The following ZNF532 variants were observed in gnomAD, a reference collection of about 807,000 sequenced individuals.
The protein encoded by ZNF532 is zinc finger protein 532.
In ZNF532, 22 loss-of-function variants were observed where a neutral mutation model predicts 89.3. The ratio of observed to expected loss-of-function variants is 0.25; its 90% CI spans 0.18 to 0.35. The LOEUF (loss-of-function observed/expected upper bound fraction) is 0.35, where lower values mean the gene tolerates loss of function less well. ZNF532 is among the 10% of genes least tolerant of loss of function. The pLI is 1.00. For missense variants in ZNF532, 1,132 were observed against 1,643.4 expected (o/e 0.69, Z 5.38); for synonymous variants, 606 against 649.6 (o/e 0.93, Z 1.02).
intron 2 of ZNF532, among the ~76,000 whole-genome samples, chr18:58,869,321 A>G (rs2056768767): frequency 1.3e-5 from 2 of 152,268 alleles, no homozygotes; most frequent in Admixed American, 6.5e-5. Flanking sequence ...ACGAGAGATG[A>G]TCATGATAAT....
intron 5 of ZNF532, among the ~76,000 whole-genome samples, chr18:58,945,298 G>A (rs1167230425): frequency 1.3e-5 from 2 of 152,192 alleles, no homozygotes; most frequent in African/African-American, 2.4e-5. Context: ...TGCCTGGGCC[G>A]TGATGCCATG....
At chr18:58,963,698 C>T (rs2065606910) in intron 7 of ZNF532, among the ~76,000 whole-genome samples, 1 of 150,762 alleles carries the variant, frequency 6.6e-6, no homozygotes, top group Non-Finnish European at 1.5e-5. Flanking sequence ...TGGCTCACGC[C>T]TGTAATCCTA....
rs749932347 is a variant in ZNF532, at chr18:58,919,604, C to T, written c.1317C>T (p.Thr439=). The change falls in exon 3 of 10, where the codon ACC becomes ACT. Residue 439 remains threonine (T), a synonymous_variant. Transcript: ENST00000591808. The surrounding 1 kb of genome is among the most constrained non-coding windows in gnomAD (Gnocchi z 6.1). Reference sequence around the variant, plus strand: ...ATGCAGTTTCCCCTGCAGAGCTCACCCCCAAACAGGTCACAATCAAGCCTG... The same window carrying T: ...ATGCAGTTTCCCCTGCAGAGCTCACTCCCAAACAGGTCACAATCAAGCCTG... ...VTNAVSPAEL[T]PKQVTIKPVA... The T allele has an allele frequency of 5.0e-6, 8 of 1,614,142 alleles. No individual in the cohort carries two copies. Among genetic ancestry groups the T allele is most frequent in the Non-Finnish European group, 6.8e-6 (8 of 1,180,026 alleles).
Position 58,979,077 on chromosome 18 carries a change from G to C in ZNF532, c.3173G>C (p.Arg1058Pro). The stretch of plus-strand genomic sequence containing the variant: ...CAGCAAATGAAGAAACACCCCTGCC[G>C]CCAGTGTGACAAGTCTTTCAGCTCG... Reference protein sequence around the residue: ...HGKQMKKHPCRQCDKSFSSSH... With the variant: ...HGKQMKKHPCPQCDKSFSSSH... The change falls in exon 8 of 10, where the codon CGC (arginine) becomes CCC (proline). Residue 1058 changes from arginine (R) to proline (P), a missense_variant. Physicochemically the swap from Arg to Pro is moderately radical, Grantham distance 103 (BLOSUM62 -2). This residue lies in a region of ZNF532 where 415 missense variants were observed against 604.8 expected (regional missense o/e 0.69). Coordinates refer to ENST00000591808, the MANE Select transcript of ZNF532 (RefSeq NM_001375912.1). 6.2e-7 allele frequency: 1 copy of C among 1,610,828 alleles called. No individual in the cohort carries two copies. The highest frequency in any genetic ancestry group is 8.5e-7 in the Non-Finnish European group (1 of 1,177,602).
At chr18:58,871,169 T>A (rs947849841) in intron 2 of ZNF532, among the ~76,000 whole-genome samples, 6 of 152,078 alleles carry the variant, frequency 3.9e-5, no homozygotes, top group Admixed American at 6.5e-5. Flanking sequence ...AGGTAGAAAA[T>A]GTAGCTAAAA....
At chr18:58,981,371 G>A in intron 8 of ZNF532, 99 bp from the exon 9 acceptor site, 1 of 1,481,390 alleles carries the variant, frequency 6.8e-7, no homozygotes, top group Non-Finnish European at 9.1e-7. Flanking sequence ...GGACCTGTCT[G>A]TGTGAACTGA....
chr18:58,939,267 A>C (rs1047271110), intron 4 of ZNF532, among the ~76,000 whole-genome samples, 178 bp from the exon 5 acceptor site: 7 of 149,950 alleles, frequency 4.7e-5, no homozygotes, highest in African/African-American at 1.7e-4. Context: ...AAAAAAAAAA[A>C]AAAAAAAACC....
In ZNF532 at chr18:58,909,758, C is replaced by T. The variant is rs138799686; in HGVS notation, c.-17-8513C>T. 7.2e-3 allele frequency among the ~76,000 whole-genome samples: 1,098 copies of T among 152,216 alleles called. 7 individuals are homozygous for T. The highest frequency in any genetic ancestry group is 0.025 in the African/African-American group (1,024 of 41,520). Reference sequence around the variant, plus strand: ...CTGGCTGTGAGACTACACTATTCAGCGACGGCATGCACTTTCATTTGGACC... The same window carrying T: ...CTGGCTGTGAGACTACACTATTCAGTGACGGCATGCACTTTCATTTGGACC... On this transcript the variant is annotated intron_variant, in intron 2 of 9. Transcript: ENST00000591808.
intron 8 of ZNF532, 67 bp downstream of exon 8, chr18:58,979,234 G>A (rs984918733): frequency 4.2e-5 from 51 of 1,208,480 alleles, no homozygotes; most frequent in Non-Finnish European, 5.8e-5. Flanking sequence ...GGTTTTTAGT[G>A]TAGTACCATT....
chr18:58,920,001 G>A lies in ZNF532; in HGVS notation c.1714G>A (p.Val572Met), dbSNP rs1193875558. 2 of 1,613,606 alleles carry A rather than the reference G, an allele frequency of 1.2e-6. No individual in the cohort carries two copies. Among genetic ancestry groups the A allele is most frequent in the South Asian group, 1.1e-5 (1 of 91,038 alleles). Residue 572 changes from valine (V) to methionine (M), a missense_variant, in exon 3 of 10, where the codon GTG becomes ATG. Val to Met is a conservative substitution (Grantham distance 21). This residue lies in a region of ZNF532 where 97 missense variants were observed against 143.7 expected (regional missense o/e 0.68). Coordinates refer to ENST00000591808, the MANE Select transcript of ZNF532 (RefSeq NM_001375912.1). The stretch of plus-strand genomic sequence containing the variant: ...CCCCAAAAAGGTGTCTCGAGTCCAG[G>A]TGGTGTCGTCCTTGCAGAGTTCTGT... Reference protein sequence around the residue: ...QPPKKVSRVQVVSSLQSSVVE... With the variant: ...QPPKKVSRVQMVSSLQSSVVE...
Position 58,984,283 on chromosome 18 carries a change from G to A in ZNF532, c.3723G>A (p.Gly1241=). The change falls in exon 10 of 10, where the codon GGG becomes GGA. Residue 1241 remains glycine, a synonymous_variant. Coordinates refer to ENST00000591808, the MANE Select transcript of ZNF532 (RefSeq NM_001375912.1). ...CAGTGTCCAAGCAAAATGGGGCTGG[G>A]GAAGATAACCAACAGGAGAACAAAC... ...PQPVSKQNGA[G]EDNQQENKPS... is the part of the protein sequence containing the mutation. 6.2e-7 allele frequency: 1 copy of A among 1,611,956 alleles called. No individual in the cohort carries two copies. Among genetic ancestry groups the A allele is most frequent in the Non-Finnish European group, 8.5e-7 (1 of 1,179,846 alleles).
At chr18:58,910,882 G>T (rs76954599) in intron 2 of ZNF532, among the ~76,000 whole-genome samples, 455 of 122,228 alleles carry the variant, frequency 3.7e-3, no homozygotes, top group Admixed American at 0.011. Context: ...AGCCTGGTTT[G>T]TTTTTTTTTT....
At chr18:58,927,097 T>A (rs2061587140) in intron 3 of ZNF532, among the ~76,000 whole-genome samples, 1 of 152,216 alleles carries the variant, frequency 6.6e-6, no homozygotes, top group South Asian at 2.1e-4. Flanking sequence ...TTAGTTTTTC[T>A]TTGGTAGAAT....
At chr18:58,915,596 GTT>G (rs1370240769) in intron 2 of ZNF532, among the ~76,000 whole-genome samples, 2 of 152,302 alleles carry the variant, frequency 1.3e-5, no homozygotes, top group East Asian at 3.9e-4. Context: ...AGGTCAACAA[GTT>G]TAGCATTAAC....
At position 58,981,636 on chromosome 18, in the gene ZNF532, T is replaced by C; in HGVS notation, c.3411+19T>C. 6 of 1,613,696 alleles carry C rather than the reference T, an allele frequency of 3.7e-6. No homozygotes were observed. Among genetic ancestry groups the C allele is most frequent in the Non-Finnish European group, 5.1e-6 (6 of 1,179,784 alleles). ...CACTAAGGTCTAACATTGCAGATGT[T>C]TGCTTTACAGTGAAATTGTGTTGAC... On this transcript the variant is annotated intron_variant, in intron 9 of 9. Transcript: ENST00000591808.
At chr18:58,921,276 A>G (rs2061060003) in intron 3 of ZNF532, among the ~76,000 whole-genome samples, 1 of 152,134 alleles carries the variant, frequency 6.6e-6, no homozygotes, top group Non-Finnish European at 1.5e-5. Context: ...ATCCCATTGT[A>G]TTAAGTATTT....
At chr18:58,877,731 G>A (rs1044715674) in intron 2 of ZNF532, among the ~76,000 whole-genome samples, 13 of 152,208 alleles carry the variant, frequency 8.5e-5, no homozygotes, top group African/African-American at 1.9e-4. Flanking sequence ...GGGCCTGTGA[G>A]TGTGGCCCTT....
intron 7 of ZNF532, among the ~76,000 whole-genome samples, chr18:58,964,583 A>T (rs2065727261): frequency 6.9e-6 from 1 of 145,074 alleles, no homozygotes. Flanking sequence ...GTGTGTGTAT[A>T]CACAGTTTTT....
Position 58,920,423 on chromosome 18 carries a change from C to T in ZNF532, c.2136C>T (p.Gly712=). The change falls in exon 3 of 10, where the codon GGC becomes GGT. Residue 712 remains glycine, a synonymous_variant. Transcript: ENST00000591808. Reference sequence around the variant, plus strand: ...CTCTTCAGAGCCCTGTGGGAGCTGGCACACACACTGTCACAAAAATTCAGT... The same window carrying T: ...CTCTTCAGAGCCCTGTGGGAGCTGGTACACACACTGTCACAAAAATTCAGT... The part of the protein sequence containing the change: ...TSTLQSPVGA[G]THTVTKIQSG... The T allele has an allele frequency of 6.2e-7, 1 of 1,613,912 alleles. No homozygotes were observed. The highest frequency in any genetic ancestry group is 1.3e-5 in the African/African-American group (1 of 75,028).
Sources: allele counts gnomAD v4.1 joint callset (sites outside exome capture counted in the v4.1 genomes callset), GRCh38; gene constraint gnomAD v4.1.1; regional missense constraint gnomAD v4.1.1; non-coding constraint Gnocchi (gnomAD v3.1); transcripts MANE v1.5; gene names NCBI Gene and HGNC (gene_info 2026-07-23, HGNC 2026-07-21).